Variants in WBP2NL observed in about 807,000 individuals in gnomAD.
WBP2NL encodes the protein postacrosomal sheath WW domain-binding protein.
WBP2NL carries 27 observed loss-of-function variants against 23.3 expected under a neutral mutation model. The observed-to-expected ratio is 1.16, with a 90% CI of 0.85 to 1.60. WBP2NL has a LOEUF of 1.60. WBP2NL is among the 40% of genes most tolerant of loss of function. The probability of loss-of-function intolerance (pLI) is 0.00; values close to 1 mark genes in which losing one functional copy is unlikely to be tolerated. For missense variants in WBP2NL, 370 were observed against 389.5 expected (o/e 0.95, Z 0.42); for synonymous variants, 151 against 145.9 (o/e 1.03, Z -0.25).
chr22:42,008,073 C>G (rs575381676), intron 1 of WBP2NL, among the ~76,000 whole-genome samples: 1 of 125,340 alleles, frequency 8.0e-6, no homozygotes, highest in East Asian at 2.7e-4. Flanking sequence ...TGTTTTTCTT[C>G]TCTTCTCTTC....
chr22:42,023,289 A>G (rs963493236), intron 5 of WBP2NL, among the ~76,000 whole-genome samples: 3 of 150,892 alleles, frequency 2.0e-5, no homozygotes, highest in African/African-American at 4.9e-5. Context: ...GGCTCAAGCG[A>G]TCCTCTTACC....
chr22:42,002,567 TA>T (rs1248422252), intron 1 of WBP2NL: 1 of 151,978 alleles, frequency 6.6e-6, no homozygotes, highest in Non-Finnish European at 1.5e-5. Flanking sequence ...CCAGCCTGGG[TA>T]ACAGGGTGAG....
At chr22:42,039,791 G>GT (rs1435351455) in intron 8 of WBP2NL, among the ~76,000 whole-genome samples, 6 of 151,290 alleles carry the variant, frequency 4.0e-5, no homozygotes, top group African/African-American at 1.5e-4. Context: ...AGCCAACTTA[G>GT]TTTTTTCTAT....
chr22:42,028,940 A>G (rs1924734951), downstream of WBP2NL, among the ~76,000 whole-genome samples: 1 of 152,216 alleles, frequency 6.6e-6, no homozygotes, highest in African/African-American at 2.4e-5. Flanking sequence ...ATGGCCTCCA[A>G]TTGGGATAAC....
chr22:42,025,610 CA>C (rs1427593842), intron 5 of WBP2NL, among the ~76,000 whole-genome samples: 1 of 152,120 alleles, frequency 6.6e-6, no homozygotes, highest in African/African-American at 2.4e-5. Flanking sequence ...GGCATTCTGT[CA>C]AAAATCAACT....
intron 1 of WBP2NL, chr22:42,001,865 C>T (rs769245757): frequency 5.4e-6 from 8 of 1,477,574 alleles, no homozygotes; most frequent in Non-Finnish European, 7.3e-6. Flanking sequence ...CCTGTAGCAG[C>T]AGCTTGACCC....
intron 1 of WBP2NL, among the ~76,000 whole-genome samples, chr22:42,009,326 A>G (rs985276410): frequency 1.3e-5 from 2 of 152,110 alleles, no homozygotes; most frequent in African/African-American, 2.4e-5. Context: ...ATATAGTCCA[A>G]TTTATTTATT....
chr22:42,038,730 G>A (rs1437942659), intron 8 of WBP2NL, among the ~76,000 whole-genome samples: 1 of 151,690 alleles, frequency 6.6e-6, no homozygotes, highest in Non-Finnish European at 1.5e-5. Flanking sequence ...AGCCTCCCGA[G>A]TAGCTGGGAC....
intron 8 of WBP2NL, among the ~76,000 whole-genome samples, chr22:42,054,061 G>C (rs779617377): frequency 6.6e-6 from 1 of 151,998 alleles, no homozygotes; most frequent in Non-Finnish European, 1.5e-5. Context: ...CAGTGTGCTG[G>C]GATTACAAGT....
chr22:42,035,232 C>T (rs148451102), downstream of WBP2NL, among the ~76,000 whole-genome samples: 5 of 152,380 alleles, frequency 3.3e-5, no homozygotes, highest in African/African-American at 4.8e-5. Flanking sequence ...TGACTTCAGC[C>T]GGTCCCTCCG....
chr22:42,022,207 T>A, intron 4 of WBP2NL, 42 bp from the exon 5 acceptor site: 1 of 1,501,568 alleles, frequency 6.7e-7, no homozygotes, highest in Non-Finnish European at 9.3e-7. Context: ...TATATCTGAC[T>A]TAATTAAAAG....
chr22:41,999,636 T>C (rs1921382372), intron 1 of WBP2NL, among the ~76,000 whole-genome samples: 1 of 152,096 alleles, frequency 6.6e-6, no homozygotes, highest in Non-Finnish European at 1.5e-5. Flanking sequence ...GCCATGGTGG[T>C]GTGCACCCAT....
intron 8 of WBP2NL, among the ~76,000 whole-genome samples, chr22:42,043,016 GAAAAA>G (rs59812729): frequency 6.7e-4 from 37 of 55,392 alleles, no homozygotes; most frequent in Admixed American, 1.1e-3. Flanking sequence ...AGTGAGCCAA[GAAAAA>G]AAAAAAAAAA....
chr22:42,049,561 G>A (rs1031830639), intron 8 of WBP2NL, among the ~76,000 whole-genome samples: 1 of 151,684 alleles, frequency 6.6e-6, no homozygotes, highest in African/African-American at 2.4e-5. Context: ...GTGGTGGCGG[G>A]CACCTGTAGT....
intron 1 of WBP2NL, among the ~76,000 whole-genome samples, chr22:42,017,307 G>A (rs145665471): frequency 3.3e-5 from 5 of 152,236 alleles, no homozygotes; most frequent in African/African-American, 1.2e-4. Flanking sequence ...TAGAGATGGG[G>A]TTTCACCATG....
At chr22:41,999,056 G>T (rs1254514979) in intron 1 of WBP2NL, among the ~76,000 whole-genome samples, 176 bp downstream of exon 1, 2 of 152,198 alleles carry the variant, frequency 1.3e-5, no homozygotes, top group East Asian at 3.9e-4. Flanking sequence ...CCGGCATGTG[G>T]AGGTGGCGGA....
intron 8 of WBP2NL, among the ~76,000 whole-genome samples, chr22:42,049,362 TAATTGTA>T (rs1925726157): frequency 6.6e-6 from 1 of 152,126 alleles, no homozygotes; most frequent in Non-Finnish European, 1.5e-5. Context: ...AATATAGACC[TAATTGTA>T]AAACACTAAG....
chr22:42,001,203 A>C, intron 1 of WBP2NL: 1 of 735,746 alleles, frequency 1.4e-6, no homozygotes, highest in South Asian at 1.5e-5. Context: ...CAGCAGTCAA[A>C]TGTGCCTGTG....
intron 1 of WBP2NL, among the ~76,000 whole-genome samples, chr22:42,017,172 G>T (rs1227750664): frequency 6.6e-6 from 1 of 152,124 alleles, no homozygotes; most frequent in Non-Finnish European, 1.5e-5. Context: ...CTGTTGCCCA[G>T]GGTGGAGTGC....
Sources: gnomAD v4.1 joint callset for allele counts (sites outside exome capture counted in the v4.1 genomes callset) on GRCh38, gnomAD v4.1.1 for gene constraint, MANE v1.5 for transcripts, NCBI Gene and HGNC (gene_info 2026-07-23, HGNC 2026-07-21) for gene names.